The following ZNF804A variants were observed in gnomAD, a reference collection of about 807,000 sequenced individuals.
ZNF804A encodes zinc finger protein 804A.
A neutral mutation model predicts 16.5 loss-of-function variants in ZNF804A; 2 were observed. That is an observed-to-expected ratio of 0.12 (90% confidence interval 0.05 to 0.38). The LOEUF is 0.38. Among genes scored for constraint, ZNF804A ranks in the 10% least tolerant of loss-of-function variants. ZNF804A has a pLI of 0.99. For synonymous variants in ZNF804A, 534 were observed against 489.6 expected (o/e 1.09, Z -1.20); for missense variants, 1,473 against 1,390.7 (o/e 1.06, Z -0.94).
intron 1 of ZNF804A, among the ~76,000 whole-genome samples, chr2:184,610,408 T>C (rs1691216890): frequency 6.6e-6 from 1 of 152,078 alleles, no homozygotes; most frequent in African/African-American, 2.4e-5. Flanking sequence ...GACTTTTAGA[T>C]TGGTTATGGA....
chr2:184,936,920 C>T lies in ZNF804A; in HGVS notation c.1524C>T (p.Leu508=), dbSNP rs1334225177. Residue 508 remains leucine (L), a synonymous_variant, in exon 4 of 4, where the codon CTC becomes CTT. Transcript: ENST00000302277. ...ACAAGGATGTATCTACAGAAGGACTCACTGATTATGAAATTGGAAGTAGCA... is the reference window on the plus strand; with the variant it reads ...ACAAGGATGTATCTACAGAAGGACTTACTGATTATGAAATTGGAAGTAGCA... The part of the protein sequence containing the change: ...SDYKDVSTEG[L]TDYEIGSSKN... The T allele has an allele frequency of 6.2e-7, 1 of 1,613,804 alleles. No individual in the cohort carries two copies. The highest frequency in any genetic ancestry group is 8.5e-7 in the Non-Finnish European group (1 of 1,179,930).
At chr2:184,707,587 A>G (rs1693051110) in intron 1 of ZNF804A, among the ~76,000 whole-genome samples, 1 of 152,128 alleles carries the variant, frequency 6.6e-6, no homozygotes, top group Non-Finnish European at 1.5e-5. Context: ...AATGGCCTCC[A>G]GCTACATCCA....
intron 2 of ZNF804A, among the ~76,000 whole-genome samples, chr2:184,871,908 A>C (rs1021937347): frequency 1.3e-5 from 2 of 152,054 alleles, no homozygotes; most frequent in East Asian, 3.9e-4. Context: ...ATATGTATCC[A>C]GAGTGAAGAA....
chr2:184,644,250 A>T (rs927624948), intron 1 of ZNF804A, among the ~76,000 whole-genome samples: 6 of 151,496 alleles, frequency 4.0e-5, no homozygotes, highest in East Asian at 1.9e-4. Flanking sequence ...TATATATATA[A>T]AATACCTCAT....
intron 1 of ZNF804A, among the ~76,000 whole-genome samples, chr2:184,855,116 C>G (rs1695666711): frequency 6.6e-6 from 1 of 151,936 alleles, no homozygotes; most frequent in Non-Finnish European, 1.5e-5. Flanking sequence ...TGTTATTGCT[C>G]TGGAAAGACA....
intron 1 of ZNF804A, among the ~76,000 whole-genome samples, chr2:184,639,435 A>G (rs1559114574): frequency 6.6e-6 from 1 of 152,080 alleles, no homozygotes; most frequent in Non-Finnish European, 1.5e-5. Context: ...TCACCCAAAT[A>G]TGCTTTGTGA....
intron 2 of ZNF804A, among the ~76,000 whole-genome samples, chr2:184,892,874 G>C (rs1685009554): frequency 6.6e-6 from 1 of 151,946 alleles, no homozygotes. Context: ...CTGCCTGGTT[G>C]TATTTATGAT....
chr2:184,651,988 A>T (rs1691991380), intron 1 of ZNF804A, among the ~76,000 whole-genome samples: 1 of 152,160 alleles, frequency 6.6e-6, no homozygotes, highest in African/African-American at 2.4e-5. Context: ...ACATGCACTC[A>T]TATTTTAATT....
chr2:184,742,300 T>C (rs1339771323), intron 1 of ZNF804A, among the ~76,000 whole-genome samples: 1 of 152,048 alleles, frequency 6.6e-6, no homozygotes, highest in Non-Finnish European at 1.5e-5. Flanking sequence ...GTGTTTCAAT[T>C]ACCATAATTT....
intron 1 of ZNF804A, among the ~76,000 whole-genome samples, chr2:184,845,182 A>C (rs1695493711): frequency 6.6e-6 from 1 of 151,970 alleles, no homozygotes; most frequent in African/African-American, 2.4e-5. Flanking sequence ...CTCTTTGATA[A>C]TTCCAACATT....
At chr2:184,915,255 T>C (rs1405311481) in intron 2 of ZNF804A, among the ~76,000 whole-genome samples, 1 of 152,080 alleles carries the variant, frequency 6.6e-6, no homozygotes, top group Admixed American at 6.6e-5. Context: ...TTTTATTACA[T>C]TGTAAAAATA....
intron 1 of ZNF804A, among the ~76,000 whole-genome samples, chr2:184,712,458 C>A (rs995025044): frequency 4.6e-5 from 7 of 151,698 alleles, no homozygotes; most frequent in African/African-American, 1.7e-4. Flanking sequence ...AAAATTATCT[C>A]TTTGTCTTTA....
At chr2:184,643,359 T>C (rs554080435) in intron 1 of ZNF804A, among the ~76,000 whole-genome samples, 7 of 151,956 alleles carry the variant, frequency 4.6e-5, no homozygotes, top group Non-Finnish European at 8.8e-5. Context: ...TAAATGGCAA[T>C]AAAAATACTG....
intron 1 of ZNF804A, among the ~76,000 whole-genome samples, chr2:184,803,130 T>A (rs368379423): frequency 1.3e-5 from 2 of 152,202 alleles, no homozygotes; most frequent in Admixed American, 6.5e-5. Flanking sequence ...ACTATCACCC[T>A]ATTAGAGCCA....
intron 1 of ZNF804A, among the ~76,000 whole-genome samples, chr2:184,738,607 G>A (rs1255483201): frequency 6.6e-6 from 1 of 152,110 alleles, no homozygotes; most frequent in Non-Finnish European, 1.5e-5. Flanking sequence ...TCCATTTGCT[G>A]CATTCACTTT....
At chr2:184,669,602 A>T (rs1206195840) in intron 1 of ZNF804A, among the ~76,000 whole-genome samples, 3 of 152,114 alleles carry the variant, frequency 2.0e-5, no homozygotes, top group Admixed American at 2.0e-4. Context: ...GCTGATGAGT[A>T]GTTGTGAAAT....
Position 184,604,161 on chromosome 2 carries a change from T to C in ZNF804A, c.111+5091T>C, listed in dbSNP as rs1299119046. Among the ~76,000 whole-genome samples, 6 of 73,560 alleles carry C rather than the reference T, an allele frequency of 8.2e-5. No homozygotes were observed. In the Admixed American group the frequency reaches 9.1e-4, roughly 11 times the overall value. The allele number at this position is 73,560 out of a possible 152,430, so 48.3% of individuals were successfully genotyped here. A position where few individuals can be genotyped will look rare whatever the true frequency, so the allele number is the denominator to read the frequency against. Reference sequence around the variant, plus strand: ...ACTGCAATTACTTTTTTTTTTTTTTTTTTTTTTTTTTTTTTTTTTTTTTTT... The same window carrying C: ...ACTGCAATTACTTTTTTTTTTTTTTCTTTTTTTTTTTTTTTTTTTTTTTTT... On this transcript the variant is annotated intron_variant, in intron 1 of 3. Transcript: ENST00000302277.
intron 1 of ZNF804A, among the ~76,000 whole-genome samples, chr2:184,739,829 C>G (rs2105752294): frequency 6.6e-6 from 1 of 152,294 alleles, no homozygotes; most frequent in South Asian, 2.1e-4. Flanking sequence ...TTGTCTCTGC[C>G]TGTATGCCTT....
intron 1 of ZNF804A, among the ~76,000 whole-genome samples, chr2:184,676,591 AAT>A (rs760849763): frequency 1.3e-5 from 2 of 151,792 alleles, no homozygotes; most frequent in Non-Finnish European, 3.0e-5. Context: ...TATCATATAC[AAT>A]ATGAGTATTT....
Sources: gnomAD v4.1 joint callset for allele counts (sites outside exome capture counted in the v4.1 genomes callset) on GRCh38, gnomAD v4.1.1 for gene constraint, MANE v1.5 for transcripts, NCBI Gene and HGNC (gene_info 2026-07-23, HGNC 2026-07-21) for gene names.